The following ULK4 variants were observed in gnomAD, a reference collection of about 807,000 sequenced individuals.
The protein encoded by ULK4 is unc-51 like kinase 4.
Under a neutral mutation model 160.6 loss-of-function variants are expected in ULK4, and 133 were observed. The ratio of observed to expected loss-of-function variants is 0.83; its 90% CI spans 0.72 to 0.96. ULK4 has a LOEUF of 0.96. Among genes scored for constraint, ULK4 ranks in the 40% least tolerant of loss-of-function variants. The pLI is 0.00. For missense variants in ULK4, 1,580 were observed against 1,499.5 expected, an observed-to-expected ratio of 1.05 and a Z score of -0.89; for synonymous variants, 534 against 539.8, an observed-to-expected ratio of 0.99 and a Z score of 0.15.
chr3:41,678,691 A>G (rs144129080), intron 29 of ULK4, among the ~76,000 whole-genome samples: 399 of 152,360 alleles, frequency 2.6e-3, no homozygotes, highest in African/African-American at 9.2e-3. Flanking sequence ...CTAATACAAT[A>G]CTTCCCTGTG....
intron 21 of ULK4, among the ~76,000 whole-genome samples, chr3:41,760,651 A>G (rs1319872865): frequency 6.6e-6 from 1 of 152,138 alleles, no homozygotes. Flanking sequence ...TATTGTATGA[A>G]ATTACCTTGG....
rs558818749 is a variant in ULK4 at position 41,744,083 on chromosome 3, G to A, written c.2321+10278C>T. Among the ~76,000 whole-genome samples, 41 of 151,944 alleles carry A rather than the reference G, an allele frequency of 2.7e-4. 2 individuals carry two copies. Among genetic ancestry groups the A allele is most frequent in the African/African-American group, 9.4e-4 (39 of 41,290 alleles). ...GCAACCACTAAGGAAACTATGCAAG[G>A]TGATATACTCAACAGTGCTATAAAT... On this transcript the variant is annotated intron_variant, in intron 22 of 36. Coordinates refer to ENST00000301831, the MANE Select transcript of ULK4 (RefSeq NM_017886.4).
chr3:41,281,680 C>G (rs1436510527), intron 35 of ULK4, among the ~76,000 whole-genome samples: 1 of 152,082 alleles, frequency 6.6e-6, no homozygotes, highest in East Asian at 1.9e-4. Context: ...TATGACAAAC[C>G]CACAGCCAAT....
Position 41,911,756 on chromosome 3 carries a change from A to C in ULK4, c.897-97T>G. The C allele has an allele frequency of 4.4e-6, 4 of 905,744 alleles. No homozygotes were observed. The South Asian group carries it at 6.0e-5, about 14-fold the overall frequency. 56.1% of individuals were successfully genotyped at this position (905,744 alleles called of 1,614,324 possible). A position where few individuals can be genotyped will look rare whatever the true frequency, so the allele number is the denominator to read the frequency against. The stretch of plus-strand genomic sequence containing the variant: ...AGGTTGGAGAAGATAATTAAATTAC[A>C]CATGACATTTAGCAAAGTTACAGAA... On this transcript the variant is annotated intron_variant, in intron 9 of 36. Coordinates refer to ENST00000301831, the MANE Select transcript of ULK4 (RefSeq NM_017886.4).
At chr3:41,669,109 T>C (rs2035445847) in intron 29 of ULK4, among the ~76,000 whole-genome samples, 1 of 152,152 alleles carries the variant, frequency 6.6e-6, no homozygotes, top group African/African-American at 2.4e-5. Flanking sequence ...TTCATCAACA[T>C]CTGGAGGAAT....
intron 7 of ULK4, 53 bp from the exon 8 acceptor site, chr3:41,916,105 ATTTTAT>A: frequency 3.4e-6 from 4 of 1,169,434 alleles, no homozygotes; most frequent in Non-Finnish European, 4.9e-6. Context: ...ATACATATCA[ATTTTAT>A]TTTTATCTCT....
intron 30 of ULK4, among the ~76,000 whole-genome samples, chr3:41,639,455 G>A (rs1371549810): frequency 1.3e-5 from 2 of 152,156 alleles, no homozygotes; most frequent in African/African-American, 4.8e-5. Context: ...TGGGTGTGGT[G>A]GCTCACACCT....
At chr3:41,368,370 A>G (rs959844191) in intron 35 of ULK4, among the ~76,000 whole-genome samples, 2 of 152,170 alleles carry the variant, frequency 1.3e-5, no homozygotes, top group African/African-American at 4.8e-5. Context: ...TTTTTAAAAT[A>G]ACAAATTCAC....
At chr3:41,275,234 A>G (rs1346192073) in intron 35 of ULK4, among the ~76,000 whole-genome samples, 1 of 152,238 alleles carries the variant, frequency 6.6e-6, no homozygotes, top group African/African-American at 2.4e-5. Context: ...CCTCTGGATC[A>G]GTGATCCATT....
chr3:41,755,958 C>T (rs572721627), intron 21 of ULK4, among the ~76,000 whole-genome samples: 1 of 152,250 alleles, frequency 6.6e-6, no homozygotes, highest in East Asian at 1.9e-4. Context: ...TCAGAAAACA[C>T]AGATACACGC....
chr3:41,249,713 T>A, intron 35 of ULK4, 139 bp from the exon 36 acceptor site: 1 of 808,192 alleles, frequency 1.2e-6, no homozygotes, highest in South Asian at 1.8e-5. Flanking sequence ...TGGGCTTGTC[T>A]GTAACCCCCA....
intron 1 of ULK4, among the ~76,000 whole-genome samples, chr3:41,961,754 G>A (rs1415803149): frequency 6.6e-6 from 1 of 152,140 alleles, no homozygotes; most frequent in African/African-American, 2.4e-5. Flanking sequence ...AAACACACAA[G>A]CACTCTCTCT....
chr3:41,846,937 T>C (rs1167940058), intron 17 of ULK4, among the ~76,000 whole-genome samples: 1 of 152,232 alleles, frequency 6.6e-6, no homozygotes, highest in African/African-American at 2.4e-5. Flanking sequence ...GTGTTATTTC[T>C]AATACCGTTA....
At chr3:41,624,936 C>A (rs984160458) in intron 30 of ULK4, among the ~76,000 whole-genome samples, 4 of 152,088 alleles carry the variant, frequency 2.6e-5, no homozygotes, top group Non-Finnish European at 5.9e-5. Flanking sequence ...GGTGGACTTT[C>A]TAAGTGCTTC....
chr3:41,642,327 T>C (rs922757304), intron 30 of ULK4, among the ~76,000 whole-genome samples: 2 of 152,142 alleles, frequency 1.3e-5, no homozygotes, highest in Non-Finnish European at 2.9e-5. Context: ...CTCCTAATGC[T>C]ATCCCTCCCT....
At chr3:41,516,669 G>A (rs906839513) in intron 32 of ULK4, among the ~76,000 whole-genome samples, 3 of 130,644 alleles carry the variant, frequency 2.3e-5, no homozygotes, top group Non-Finnish European at 3.2e-5. Context: ...GTAGAAGGAT[G>A]ATTACCAGAG....
chr3:41,325,288 G>A (rs1334964119), intron 35 of ULK4, among the ~76,000 whole-genome samples: 2 of 152,182 alleles, frequency 1.3e-5, no homozygotes, highest in African/African-American at 4.8e-5. Context: ...CCCAGGAGGT[G>A]GGGGTATCTG....
At chr3:41,508,612 C>T (rs2085473162) in intron 32 of ULK4, among the ~76,000 whole-genome samples, 1 of 152,176 alleles carries the variant, frequency 6.6e-6, no homozygotes, top group Non-Finnish European at 1.5e-5. Flanking sequence ...CTGGTATTCA[C>T]AGCCGAAAGA....
chr3:41,763,493 T>C (rs531158207), intron 21 of ULK4, among the ~76,000 whole-genome samples: 52 of 152,346 alleles, frequency 3.4e-4, no homozygotes, highest in African/African-American at 1.2e-3. Flanking sequence ...CATTGCTGGC[T>C]TCCATATAAT....
Sources: allele counts gnomAD v4.1 joint callset (sites outside exome capture counted in the v4.1 genomes callset), GRCh38; gene constraint gnomAD v4.1.1; transcripts MANE v1.5; gene names NCBI Gene and HGNC (gene_info 2026-07-23, HGNC 2026-07-21).